The following NSD1 variants were observed in gnomAD, a reference collection of about 807,000 sequenced individuals.
NSD1 encodes histone-lysine N-methyltransferase, H3 lysine-36 specific.
A neutral mutation model predicts 242.7 loss-of-function variants in NSD1; 26 were observed. The ratio of observed to expected loss-of-function variants is 0.11; its 90% CI spans 0.08 to 0.15. The LOEUF is 0.15. Ranked by LOEUF, NSD1 falls within the 10% of genes least tolerant of loss-of-function variation. NSD1 has a pLI of 1.00. For synonymous variants in NSD1, 1,106 were observed against 1,178.1 expected (o/e 0.94, Z 1.25); for missense variants, 2,495 against 3,272.8 (o/e 0.76, Z 5.80).
chr5:177,158,932 G>GTC (rs1758433899), intron 2 of NSD1, among the ~76,000 whole-genome samples: 1 of 132,370 alleles, frequency 7.6e-6, no homozygotes, highest in African/African-American at 3.3e-5. Context: ...TTGTGTGTGT[G>GTC]TGTGTGTATA....
At chr5:177,138,287 A>G (rs1756515591) in intron 2 of NSD1, among the ~76,000 whole-genome samples, 1 of 152,116 alleles carries the variant, frequency 6.6e-6, no homozygotes, top group African/African-American at 2.4e-5. Context: ...AGACACAGTC[A>G]TGCTGTCACC....
chr5:177,295,592 A>C lies in NSD1; in HGVS notation c.*133A>C. 7.5e-6 allele frequency: 7 copies of C among 928,330 alleles called. No homozygotes were observed. Among genetic ancestry groups the C allele is most frequent in the Non-Finnish European group, 1.2e-5 (7 of 587,202 alleles). The allele number at this position is 928,330 out of a possible 1,614,324, so 57.5% of individuals were successfully genotyped here. A position where few individuals can be genotyped will look rare whatever the true frequency, so the allele number is the denominator to read the frequency against. On this transcript the variant is annotated 3_prime_UTR_variant, in exon 23 of 23. Transcript: ENST00000439151. This position sits in a 1 kb window ranked among gnomAD's most constrained non-coding sequence, Gnocchi z 4.3. ...ACTTTCCCACTGTTATTCTTTCCTC[A>C]TATCCCAACACTCAGAACTCTTGTG... is the stretch of plus-strand genomic sequence containing the variant.
intron 3 of NSD1, among the ~76,000 whole-genome samples, chr5:177,202,108 C>T (rs1056036197): frequency 3.3e-5 from 5 of 151,068 alleles, no homozygotes; most frequent in Non-Finnish European, 7.4e-5. Context: ...GCAGAGGTTG[C>T]AGTGAGCCAA....
chr5:177,151,843 G>A (rs1757735380), intron 2 of NSD1, among the ~76,000 whole-genome samples: 1 of 151,730 alleles, frequency 6.6e-6, no homozygotes, highest in African/African-American at 2.4e-5. Flanking sequence ...ACAGGTGTGT[G>A]CCTTCATACC....
At chr5:177,266,426 C>A in intron 14 of NSD1, 1 of 627,494 alleles carries the variant, frequency 1.6e-6, no homozygotes. Flanking sequence ...ACCACCTTGT[C>A]TTTAAAGAGG....
At chr5:177,204,890 A>ACT (rs1398141292) in intron 4 of NSD1, among the ~76,000 whole-genome samples, 1 of 151,970 alleles carries the variant, frequency 6.6e-6, no homozygotes, top group African/African-American at 2.4e-5. Flanking sequence ...TTACTGTGTC[A>ACT]CTCAGTAGTG....
At chr5:177,257,234 T>G in intron 13 of NSD1, 83 bp downstream of exon 13, 1 of 1,148,910 alleles carries the variant, frequency 8.7e-7, no homozygotes, top group East Asian at 2.6e-5. Context: ...CTTTCTTTTT[T>G]TTTTTTTTTT....
intron 10 of NSD1, 170 bp from the exon 11 acceptor site, chr5:177,248,011 C>T: frequency 1.0e-6 from 1 of 985,454 alleles, no homozygotes; most frequent in Non-Finnish European, 1.2e-6. Context: ...GCGCCCACTA[C>T]CCGCCCAATC....
Position 177,238,517 on chromosome 5 carries a change from G to A in NSD1, c.4192+10G>A. ...CTAGTTAAAACGCCAGGTAAGGTGG[G>A]GTTGGGGTCTCAGTATTTGAGCAGA... On this transcript the variant is annotated intron_variant, in intron 7 of 22. Coordinates refer to ENST00000439151, the MANE Select transcript of NSD1 (RefSeq NM_022455.5). The surrounding 1 kb of genome is among the most constrained non-coding windows in gnomAD (Gnocchi z 4.6). 6.2e-7 allele frequency: 1 copy of A among 1,611,606 alleles called. No homozygotes were observed. Among genetic ancestry groups the A allele is most frequent in the South Asian group, 1.1e-5 (1 of 91,070 alleles).
Position 177,210,448 on chromosome 5 carries a change from G to A in NSD1, c.2049G>A (p.Lys683=), listed in dbSNP as rs924305225. The change falls in exon 5 of 23, where the codon AAG becomes AAA. Residue 683 remains lysine (K), a synonymous_variant. Transcript: ENST00000439151. The part of the protein sequence containing the change: ...ENMLSMQKNE[K]IKYSRFAATN... Reference sequence around the variant, plus strand: ...TGTTATCTATGCAGAAAAATGAAAAGATAAAGTATTCTAGGTTTGCTGCCA... The same window carrying A: ...TGTTATCTATGCAGAAAAATGAAAAAATAAAGTATTCTAGGTTTGCTGCCA... 1 of 1,614,160 alleles carries A rather than the reference G, an allele frequency of 6.2e-7. No individual in the cohort carries two copies. Among genetic ancestry groups the A allele is most frequent in the Middle Eastern group, 1.6e-4 (1 of 6,062 alleles).
chr5:177,167,370 TA>T (rs1759291716), intron 2 of NSD1, among the ~76,000 whole-genome samples: 1 of 152,004 alleles, frequency 6.6e-6, no homozygotes, highest in Non-Finnish European at 1.5e-5. Context: ...AACCCATTTC[TA>T]CTAAAAATAC....
At chr5:177,248,377 G>A (rs1766465415) in intron 11 of NSD1, 53 bp downstream of exon 11, 34 of 1,578,356 alleles carry the variant, frequency 2.2e-5, no homozygotes, top group Admixed American at 1.8e-5. Flanking sequence ...TCTTTAAAGG[G>A]AAACCCACTC....
chr5:177,209,871 A>G lies in NSD1; in HGVS notation c.1472A>G (p.Glu491Gly), dbSNP rs769382184. 8 of 1,614,074 alleles carry G rather than the reference A, an allele frequency of 5.0e-6. No homozygotes were observed. In the East Asian group the frequency reaches 1.1e-4, roughly 22 times the overall value. ...TCTGAACATTCTGCAGATGAGAAGGAAAAGCCTTGCGCTAAATCTCGAGCC... is the reference window on the plus strand; with the variant it reads ...TCTGAACATTCTGCAGATGAGAAGGGAAAGCCTTGCGCTAAATCTCGAGCC... Reference protein sequence around the residue: ...FDSEHSADEKEKPCAKSRARK... With the variant: ...FDSEHSADEKGKPCAKSRARK... The change falls in exon 5 of 23, where the codon GAA becomes GGA. Residue 491 changes from glutamate (E) to glycine (G), a missense_variant. Physicochemically the swap from Glu to Gly is moderately conservative, Grantham distance 98. This residue lies in a region of NSD1 where 515 missense variants were observed against 467.0 expected (regional missense o/e 1.10). Coordinates refer to ENST00000439151, the MANE Select transcript of NSD1 (RefSeq NM_022455.5).
At chr5:177,199,546 C>G (rs1347044895) in intron 3 of NSD1, among the ~76,000 whole-genome samples, 1 of 150,720 alleles carries the variant, frequency 6.6e-6, no homozygotes, top group Non-Finnish European at 1.5e-5. Flanking sequence ...CGTGAAGCCT[C>G]TGCGTCTGGC....
chr5:177,242,478 C>G (rs1022815373), intron 8 of NSD1, among the ~76,000 whole-genome samples: 9 of 151,662 alleles, frequency 5.9e-5, no homozygotes, highest in African/African-American at 2.2e-4. Flanking sequence ...TGTTTTACTT[C>G]CAAACATTAG....
chr5:177,147,699 C>T (rs1757369509), intron 2 of NSD1, among the ~76,000 whole-genome samples: 1 of 151,768 alleles, frequency 6.6e-6, no homozygotes, highest in Non-Finnish European at 1.5e-5. Flanking sequence ...AAGCGATTCT[C>T]CTGCCTCAGC....
chr5:177,226,139 G>A (rs543892945), intron 5 of NSD1, among the ~76,000 whole-genome samples: 1 of 152,016 alleles, frequency 6.6e-6, no homozygotes, highest in African/African-American at 2.4e-5. Flanking sequence ...CTTTGCCTCC[G>A]GGGCTCAAGC....
intron 2 of NSD1, among the ~76,000 whole-genome samples, chr5:177,171,257 A>G (rs887986540): frequency 6.6e-6 from 1 of 152,022 alleles, no homozygotes; most frequent in African/African-American, 2.4e-5. Context: ...CAGTGAGCCA[A>G]GATCACGCCG....
chr5:177,160,618 A>C (rs563208228), intron 2 of NSD1, among the ~76,000 whole-genome samples: 7 of 152,084 alleles, frequency 4.6e-5, no homozygotes, highest in Admixed American at 2.0e-4. Flanking sequence ...TTACTTCTTA[A>C]GTTCTCAATT....
Sources: gnomAD v4.1 joint callset for allele counts (sites outside exome capture counted in the v4.1 genomes callset) on GRCh38, gnomAD v4.1.1 for gene constraint, gnomAD v4.1.1 regional missense constraint, Gnocchi (gnomAD v3.1) non-coding constraint, MANE v1.5 for transcripts, NCBI Gene and HGNC (gene_info 2026-07-23, HGNC 2026-07-21) for gene names.